The following LOXHD1 variants were observed in gnomAD, a reference collection of about 807,000 sequenced individuals.
LOXHD1 encodes lipoxygenase homology PLAT domains 1.
A neutral mutation model predicts 248.2 loss-of-function variants in LOXHD1; 205 were observed. The observed-to-expected ratio is 0.83, with a 90% CI of 0.74 to 0.93. The LOEUF is 0.93. Ranked by LOEUF, LOXHD1 falls within the 40% of genes least tolerant of loss-of-function variation. The pLI, the probability that LOXHD1 is intolerant of heterozygous loss-of-function variation, is 0.00. For synonymous variants in LOXHD1, 1,113 were observed against 1,162.8 expected, an observed-to-expected ratio of 0.96 and a Z score of 0.87; for missense variants, 2,930 against 2,971.6, an observed-to-expected ratio of 0.99 and a Z score of 0.33.
At chr18:46,569,057 C>A (rs1024796148) in intron 16 of LOXHD1, among the ~76,000 whole-genome samples, 1 of 150,988 alleles carries the variant, frequency 6.6e-6, no homozygotes, top group Non-Finnish European at 1.5e-5. Context: ...TTTTTAGCCC[C>A]TTTTCTTAGT....
Position 46,560,073 on chromosome 18 carries a change from A to AAC in LOXHD1, c.3061+9_3061+10insGT. On this transcript the variant is annotated intron_variant, in intron 19 of 40. Coordinates refer to ENST00000642948, the MANE Select transcript of LOXHD1 (RefSeq NM_001384474.1). ...TCCCTCCCCACCCCCACCCCCCACGACCCACTTACGCTCAGGACCCGGCTT... is the reference window on the plus strand; with the variant it reads ...TCCCTCCCCACCCCCACCCCCCACGAACCCCACTTACGCTCAGGACCCGGCTT... 1.2e-5 allele frequency: 3 copies of AAC among 258,032 alleles called. No homozygotes were observed. The highest frequency in any genetic ancestry group is 2.0e-5 in the Non-Finnish European group (3 of 150,286). The allele number at this position is 258,032 out of a possible 1,614,324, so 16.0% of individuals were successfully genotyped here. A position where few individuals can be genotyped will look rare whatever the true frequency, so the allele number is the denominator to read the frequency against.
At position 46,642,002 on chromosome 18, in the gene LOXHD1, C is replaced by A; in HGVS notation, c.280G>T (p.Val94Leu). 6.4e-7 allele frequency: 1 copy of A among 1,552,376 alleles called. No individual in the cohort carries two copies. Among genetic ancestry groups the A allele is most frequent in the Non-Finnish European group, 8.7e-7 (1 of 1,147,124 alleles). ...ACATTGTTGGTTCTCACCCGGAACA[C>A]ATCGACGTTGCCCTTCTCAAAGGCA... ...KSAFEKGNVD[V>L]FRVRTNNVGL... The change falls in exon 3 of 41, where the codon GTG becomes TTG. Residue 94 changes from valine to leucine, a missense_variant. By Grantham distance (32) the Val-to-Leu change is conservative. Coordinates refer to ENST00000642948, the MANE Select transcript of LOXHD1 (RefSeq NM_001384474.1).
intron 25 of LOXHD1, among the ~76,000 whole-genome samples, chr18:46,540,106 G>T (rs1313300348): frequency 2.0e-5 from 3 of 152,214 alleles, no homozygotes; most frequent in African/African-American, 7.2e-5. Flanking sequence ...ATGACTTGAG[G>T]GAGTAGGTAT....
intron 20 of LOXHD1, among the ~76,000 whole-genome samples, chr18:46,558,632 T>C (rs2037433475): frequency 6.6e-6 from 1 of 152,196 alleles, no homozygotes; most frequent in South Asian, 2.1e-4. Flanking sequence ...TAGTTCATTT[T>C]TAAAAAATCT....
At chr18:46,516,097 A>C (rs1225030547) in intron 34 of LOXHD1, among the ~76,000 whole-genome samples, 1 of 152,204 alleles carries the variant, frequency 6.6e-6, no homozygotes, top group East Asian at 1.9e-4. Flanking sequence ...GCAAGCTCTA[A>C]GTAGAGAGTT....
Position 46,505,914 on chromosome 18 carries a change from G to T in LOXHD1, c.5802C>A (p.Asn1934Lys), listed in dbSNP as rs61733519. 6,187 of 1,551,990 alleles carry T rather than the reference G, an allele frequency of 4.0e-3. 13 individuals are homozygous for T. The highest frequency in any genetic ancestry group is 4.8e-3 in the Non-Finnish European group (5,532 of 1,147,062). Residue 1934 changes from asparagine to lysine, a missense_variant, in exon 37 of 41, where the codon AAC (asparagine) becomes AAA (lysine). Coordinates refer to ENST00000642948, the MANE Select transcript of LOXHD1 (RefSeq NM_001384474.1). The stretch of plus-strand genomic sequence containing the variant: ...TGTCAGGGAAGTTGAATGTGTCCGT[G>T]TTGTTCCGCTCAAACTTGTTCCAGT... Reference protein sequence around the residue: ...SANWNKFERNNTDTFNFPDML... With the variant: ...SANWNKFERNKTDTFNFPDML...
At chr18:46,621,760 A>G (rs909414696) in intron 4 of LOXHD1, among the ~76,000 whole-genome samples, 1 of 152,230 alleles carries the variant, frequency 6.6e-6, no homozygotes, top group Non-Finnish European at 1.5e-5. Context: ...TCCCTGCCCA[A>G]AGGCCAGCAG....
intron 6 of LOXHD1, among the ~76,000 whole-genome samples, chr18:46,608,774 T>C (rs16939742): frequency 0.029 from 4,387 of 152,332 alleles, 225 homozygotes; most frequent in African/African-American, 0.1. Flanking sequence ...CCAAAGGAAT[T>C]TGGGCATTTC....
intron 8 of LOXHD1, among the ~76,000 whole-genome samples, chr18:46,595,994 T>C (rs2038251515): frequency 6.6e-6 from 1 of 152,106 alleles, no homozygotes; most frequent in Non-Finnish European, 1.5e-5. Context: ...AAATTTATGA[T>C]AAAAGTTCTG....
intron 28 of LOXHD1, among the ~76,000 whole-genome samples, chr18:46,530,529 G>T (rs1312722027): frequency 1.3e-5 from 2 of 152,130 alleles, no homozygotes; most frequent in Non-Finnish European, 2.9e-5. Context: ...ACTCATCCTG[G>T]ACTAAGGGCC....
chr18:46,593,497 C>A, intron 10 of LOXHD1, 103 bp downstream of exon 10: 1 of 1,352,104 alleles, frequency 7.4e-7, no homozygotes, highest in South Asian at 1.5e-5. Flanking sequence ...TTTTTGTCTT[C>A]AAACTTGGTC....
intron 2 of LOXHD1, among the ~76,000 whole-genome samples, chr18:46,647,209 G>A (rs879674731): frequency 6.6e-6 from 1 of 152,178 alleles, no homozygotes; most frequent in Non-Finnish European, 1.5e-5. Context: ...AAAGCCAGGA[G>A]GTCCCAGCCC....
Position 46,657,057 on chromosome 18 carries a change from G to A in LOXHD1, c.-24C>T. Reference sequence around the variant, plus strand: ...ATTCTGTCGGCTGCCTTCTCCCAGCGCTCGCAGGCTCACTGTGCCGCCTCC... The same window carrying A: ...ATTCTGTCGGCTGCCTTCTCCCAGCACTCGCAGGCTCACTGTGCCGCCTCC... On this transcript the variant is annotated 5_prime_UTR_variant, in exon 1 of 41. Transcript: ENST00000642948. The A allele has an allele frequency of 6.4e-7, 1 of 1,551,376 alleles. No individual in the cohort carries two copies. The highest frequency in any genetic ancestry group is 1.2e-5 in the South Asian group (1 of 84,050).
intron 2 of LOXHD1, among the ~76,000 whole-genome samples, chr18:46,648,827 G>A (rs1273275640): frequency 6.6e-6 from 1 of 152,142 alleles, no homozygotes; most frequent in African/African-American, 2.4e-5. Context: ...GATATATGAG[G>A]AAACCAAGGC....
chr18:46,498,347 T>C (rs2034008459), intron 37 of LOXHD1, among the ~76,000 whole-genome samples: 1 of 152,226 alleles, frequency 6.6e-6, no homozygotes, highest in Non-Finnish European at 1.5e-5. Flanking sequence ...AGACTGTTTA[T>C]ATTGAGACCC....
intron 18 of LOXHD1, 102 bp downstream of exon 18, chr18:46,562,963 A>G (rs911088948): frequency 7.4e-7 from 1 of 1,358,252 alleles, no homozygotes; most frequent in Non-Finnish European, 9.9e-7. Flanking sequence ...GAGGCAGCCC[A>G]TTCTCGGGTG....
At chr18:46,500,204 ACT>A (rs1318844941) in intron 37 of LOXHD1, among the ~76,000 whole-genome samples, 9 of 151,760 alleles carry the variant, frequency 5.9e-5, no homozygotes, top group African/African-American at 1.9e-4. Context: ...TTCTCCATAG[ACT>A]CTGTTATTCA....
At chr18:46,541,699 G>A in intron 25 of LOXHD1, 77 bp downstream of exon 25, 1 of 1,493,152 alleles carries the variant, frequency 6.7e-7, no homozygotes. Flanking sequence ...AATCCTGAAG[G>A]AAGAACTGGG....
At chr18:46,611,178 G>A (rs1439184254) in intron 5 of LOXHD1, among the ~76,000 whole-genome samples, 1 of 152,210 alleles carries the variant, frequency 6.6e-6, no homozygotes, top group Non-Finnish European at 1.5e-5. Flanking sequence ...CTACTAAACC[G>A]ATTTGTACCC....
Sources: allele counts gnomAD v4.1 joint callset (sites outside exome capture counted in the v4.1 genomes callset), GRCh38; gene constraint gnomAD v4.1.1; transcripts MANE v1.5; gene names NCBI Gene and HGNC (gene_info 2026-07-23, HGNC 2026-07-21).